The following KCNQ3 variants were observed in gnomAD, a reference collection of about 807,000 sequenced individuals.
KCNQ3 encodes potassium voltage-gated channel subfamily KQT member 3.
Under a neutral mutation model 92.5 loss-of-function variants are expected in KCNQ3, and 30 were observed. The ratio of observed to expected loss-of-function variants is 0.32; its 90% CI spans 0.24 to 0.44. The LOEUF is 0.44. Ranked by LOEUF, KCNQ3 falls within the 20% of genes least tolerant of loss-of-function variation. The pLI is 1.00. For synonymous variants in KCNQ3, 450 were observed against 468.8 expected, an observed-to-expected ratio of 0.96 and a Z score of 0.52; for missense variants, 913 against 1,140.3, an observed-to-expected ratio of 0.80 and a Z score of 2.87.
At chr8:132,342,201 C>T (rs897798805) in intron 1 of KCNQ3, among the ~76,000 whole-genome samples, 4 of 152,118 alleles carry the variant, frequency 2.6e-5, no homozygotes, top group African/African-American at 9.7e-5. Flanking sequence ...CTAGCTCAAA[C>T]CCAAACCATG....
chr8:132,278,954 G>A (rs1162143430), intron 1 of KCNQ3, among the ~76,000 whole-genome samples: 2 of 152,104 alleles, frequency 1.3e-5, no homozygotes, highest in East Asian at 1.9e-4. Flanking sequence ...GGTGACTCAC[G>A]TCTGTAATCC....
chr8:132,160,125 C>T (rs1488249811), intron 9 of KCNQ3, among the ~76,000 whole-genome samples: 6 of 152,146 alleles, frequency 3.9e-5, no homozygotes, highest in Admixed American at 3.9e-4. Flanking sequence ...TGACATTAGG[C>T]AGGCTTGCAA....
intron 1 of KCNQ3, among the ~76,000 whole-genome samples, chr8:132,474,736 G>T (rs1822370124): frequency 6.6e-6 from 1 of 152,094 alleles, no homozygotes; most frequent in African/African-American, 2.4e-5. Flanking sequence ...AGAATAAGCA[G>T]CTCCCACTCT....
intron 1 of KCNQ3, among the ~76,000 whole-genome samples, chr8:132,476,708 C>A (rs1156675724): frequency 6.6e-6 from 1 of 152,102 alleles, no homozygotes; most frequent in African/African-American, 2.4e-5. Context: ...TTGGCAGGAG[C>A]AACTTGCTTG....
rs1346775155 is a variant in KCNQ3, at chr8:132,202,263, C to A, written c.387-16082G>T. Among the ~76,000 whole-genome samples, 3 of 152,136 alleles carry A rather than the reference C, an allele frequency of 2.0e-5. No homozygotes were observed. In the East Asian group the frequency reaches 5.8e-4, roughly 29 times the overall value. ...TCTCAAAGTCCTAGATTTTGAAGAT[C>A]TGAAATGCCTTTCAGTTCATTTTCC... On this transcript the variant is annotated intron_variant, in intron 1 of 14. Transcript: ENST00000388996.
At chr8:132,193,482 T>C (rs932805793) in intron 1 of KCNQ3, among the ~76,000 whole-genome samples, 9 of 152,204 alleles carry the variant, frequency 5.9e-5, no homozygotes, top group African/African-American at 1.9e-4. Flanking sequence ...GGAAGGCTTT[T>C]GCAGATGCAG....
chr8:132,170,926 G>T (rs901491429), intron 7 of KCNQ3, among the ~76,000 whole-genome samples: 1 of 152,000 alleles, frequency 6.6e-6, no homozygotes, highest in Non-Finnish European at 1.5e-5. Flanking sequence ...GGCTGAAGTG[G>T]GAGGATAAAT....
chr8:132,478,518 G>A (rs1345922358), intron 1 of KCNQ3, among the ~76,000 whole-genome samples: 1 of 152,144 alleles, frequency 6.6e-6, no homozygotes, highest in East Asian at 1.9e-4. Context: ...TAGAGACAGA[G>A]AGAGGAATGT....
At chr8:132,453,627 A>G (rs1208610369) in intron 1 of KCNQ3, among the ~76,000 whole-genome samples, 3 of 148,458 alleles carry the variant, frequency 2.0e-5, no homozygotes, top group African/African-American at 5.0e-5. Context: ...AAACCCTCCA[A>G]CTCTCTTCCT....
At chr8:132,271,703 A>G (rs1816152070) in intron 1 of KCNQ3, among the ~76,000 whole-genome samples, 1 of 152,158 alleles carries the variant, frequency 6.6e-6, no homozygotes, top group Admixed American at 6.5e-5. Context: ...GTAAATATTA[A>G]CACTTCCACC....
chr8:132,407,699 C>T (rs1188834848), intron 1 of KCNQ3, among the ~76,000 whole-genome samples: 1 of 152,198 alleles, frequency 6.6e-6, no homozygotes. Flanking sequence ...CAGTATTTGG[C>T]TGGAGGTGCT....
intron 1 of KCNQ3, among the ~76,000 whole-genome samples, chr8:132,416,807 G>T (rs574342044): frequency 1.3e-5 from 2 of 152,292 alleles, no homozygotes; most frequent in Non-Finnish European, 2.9e-5. Context: ...AGCTCGGAAG[G>T]CTGCAGGGTA....
At chr8:132,172,020 A>C (rs1176487946) in intron 7 of KCNQ3, among the ~76,000 whole-genome samples, 2 of 151,920 alleles carry the variant, frequency 1.3e-5, no homozygotes, top group Non-Finnish European at 2.9e-5. Context: ...AAAATTAACC[A>C]GGTCTAGTGG....
At position 132,129,752 on chromosome 8, in the gene KCNQ3, T is replaced by C. The variant is rs1060500605; in HGVS notation, c.2129A>G (p.Tyr710Cys). Residue 710 changes from tyrosine to cysteine, a missense_variant, in exon 15 of 15, where the codon TAT (tyrosine) becomes TGT (cysteine). Physicochemically the swap from Tyr to Cys is radical, Grantham distance 194. This residue lies in a region of KCNQ3 where 375 missense variants were observed against 376.4 expected (regional missense o/e 1.00). Coordinates refer to ENST00000388996, the MANE Select transcript of KCNQ3 (RefSeq NM_004519.4). This position sits in a 1 kb window ranked among gnomAD's most constrained non-coding sequence, Gnocchi z 5.9. ...HQVTIDKVSP[Y>C]GFFAHDPVNL... ...CACAGGGTCATGTGCAAAAAACCCA[T>C]AGGGGCTGACTTTGTCAATGGTCAC... is the stretch of plus-strand genomic sequence containing the variant. 3.7e-6 allele frequency: 6 copies of C among 1,614,074 alleles called. No individual in the cohort carries two copies. The highest frequency in any genetic ancestry group is 1.7e-5 in the Admixed American group (1 of 60,016).
chr8:132,274,007 C>G (rs1816246029), intron 1 of KCNQ3, among the ~76,000 whole-genome samples: 1 of 152,172 alleles, frequency 6.6e-6, no homozygotes, highest in Non-Finnish European at 1.5e-5. Context: ...GTCTTCTGAG[C>G]CCTCCAAACT....
chr8:132,406,070 G>T (rs1820470146), intron 1 of KCNQ3, among the ~76,000 whole-genome samples: 1 of 152,122 alleles, frequency 6.6e-6, no homozygotes, highest in Non-Finnish European at 1.5e-5. Flanking sequence ...TGCGAACTGG[G>T]AGTAATTATG....
intron 1 of KCNQ3, among the ~76,000 whole-genome samples, chr8:132,289,217 C>T (rs2130549964): frequency 6.6e-6 from 1 of 152,278 alleles, no homozygotes; most frequent in South Asian, 2.1e-4. Flanking sequence ...TAGAAAGAAG[C>T]TTTGAGCATC....
At chr8:132,216,251 A>G (rs1461189161) in intron 1 of KCNQ3, among the ~76,000 whole-genome samples, 4 of 152,194 alleles carry the variant, frequency 2.6e-5, no homozygotes, top group African/African-American at 9.7e-5. Flanking sequence ...AACAAAACAC[A>G]ACTCTGAAGT....
chr8:132,288,550 G>A (rs1261743340), intron 1 of KCNQ3, among the ~76,000 whole-genome samples: 2 of 151,956 alleles, frequency 1.3e-5, no homozygotes, highest in Non-Finnish European at 2.9e-5. Context: ...TCCCCCTCTC[G>A]GAGCTACAAA....
Sources: gnomAD v4.1 joint callset for allele counts (sites outside exome capture counted in the v4.1 genomes callset) on GRCh38, gnomAD v4.1.1 for gene constraint, gnomAD v4.1.1 regional missense constraint, Gnocchi (gnomAD v3.1) non-coding constraint, MANE v1.5 for transcripts, NCBI Gene and HGNC (gene_info 2026-07-23, HGNC 2026-07-21) for gene names.